The following ZBTB20 variants were observed in gnomAD, a reference collection of about 807,000 sequenced individuals.
ZBTB20 encodes zinc finger and BTB domain-containing protein 20.
ZBTB20 carries 9 observed loss-of-function variants against 56.9 expected under a neutral mutation model. The observed-to-expected ratio is 0.16, with a 90% CI of 0.10 to 0.28. The LOEUF is 0.28. Ranked by LOEUF, ZBTB20 falls within the 10% of genes least tolerant of loss-of-function variation. ZBTB20 has a pLI of 1.00. For synonymous variants in ZBTB20, 417 were observed against 420.7 expected (o/e 0.99, Z 0.11); for missense variants, 655 against 1,003.0 (o/e 0.65, Z 4.69).
rs1337725314 is a variant in ZBTB20, at chr3:114,979,613, C to T, written c.-506-5197G>A. Among the ~76,000 whole-genome samples, 6 of 151,882 alleles carry T rather than the reference C, an allele frequency of 4.0e-5. No individual in the cohort carries two copies. The East Asian group carries it at 7.7e-4, about 20-fold the overall frequency. Reference sequence around the variant, plus strand: ...TTAATAATTATAGCAAACAAGTCTTCATTAAATAAAAATTTAAACATAAGG... The same window carrying T: ...TTAATAATTATAGCAAACAAGTCTTTATTAAATAAAAATTTAAACATAAGG... On this transcript the variant is annotated intron_variant, in intron 2 of 11. Transcript: ENST00000675478.
At chr3:114,677,668 T>C (rs956485539) in intron 6 of ZBTB20, among the ~76,000 whole-genome samples, 1 of 152,166 alleles carries the variant, frequency 6.6e-6, no homozygotes, top group Non-Finnish European at 1.5e-5. Flanking sequence ...TTCTGTTAAC[T>C]ATTGAAAAGA....
chr3:114,758,927 T>A (rs2068225877), intron 5 of ZBTB20: 1 of 152,080 alleles, frequency 6.6e-6, no homozygotes, highest in African/African-American at 2.4e-5. Flanking sequence ...GTCTATGTAT[T>A]TTTTTTGAAA....
chr3:114,619,041 A>T (rs539329633), intron 6 of ZBTB20, among the ~76,000 whole-genome samples: 1 of 152,198 alleles, frequency 6.6e-6, no homozygotes, highest in Non-Finnish European at 1.5e-5. Context: ...TTTGTACATG[A>T]CTACCCAGGA....
intron 5 of ZBTB20, among the ~76,000 whole-genome samples, chr3:114,695,701 A>G (rs2062966806): frequency 6.6e-6 from 1 of 152,068 alleles, no homozygotes; most frequent in African/African-American, 2.4e-5. Flanking sequence ...ACATTTAAAA[A>G]GCTTTGTGCA....
At chr3:114,715,295 G>A (rs1011757723) in intron 5 of ZBTB20, among the ~76,000 whole-genome samples, 3 of 152,296 alleles carry the variant, frequency 2.0e-5, no homozygotes, top group Non-Finnish European at 4.4e-5. Flanking sequence ...ACCCGAGGTG[G>A]AATGAAGAAG....
intron 5 of ZBTB20, among the ~76,000 whole-genome samples, chr3:114,727,705 A>T (rs939081401): frequency 6.6e-6 from 1 of 152,234 alleles, no homozygotes; most frequent in Non-Finnish European, 1.5e-5. Flanking sequence ...TTCATGTAGA[A>T]ATCTTTGTGA....
At chr3:115,098,850 G>A (rs964711915) in intron 1 of ZBTB20, among the ~76,000 whole-genome samples, 4 of 152,108 alleles carry the variant, frequency 2.6e-5, no homozygotes, top group African/African-American at 9.7e-5. Flanking sequence ...GGGGAAAAAA[G>A]TCTGCCACTT....
chr3:114,700,828 T>A (rs75863785), intron 5 of ZBTB20, among the ~76,000 whole-genome samples: 1,930 of 152,276 alleles, frequency 0.013, 45 homozygotes, highest in African/African-American at 0.044. Context: ...TAATTAAGAT[T>A]GGGTCATTGT....
chr3:114,393,749 G>C (rs1419955795), intron 7 of ZBTB20, among the ~76,000 whole-genome samples: 1 of 152,136 alleles, frequency 6.6e-6, no homozygotes, highest in African/African-American at 2.4e-5. Flanking sequence ...ATTCTCCCTA[G>C]AACCTGAAAA....
intron 3 of ZBTB20, among the ~76,000 whole-genome samples, chr3:114,925,186 G>A (rs947118984): frequency 3.3e-5 from 5 of 151,750 alleles, no homozygotes; most frequent in Admixed American, 1.3e-4. Flanking sequence ...GTTTCACCAC[G>A]TTAGCCAGGA....
chr3:114,936,486 G>C (rs1392483445), intron 3 of ZBTB20, among the ~76,000 whole-genome samples: 1 of 151,970 alleles, frequency 6.6e-6, no homozygotes, highest in African/African-American at 2.4e-5. Flanking sequence ...TGGTAGATAA[G>C]TATTGAATGA....
chr3:114,611,640 G>C lies in ZBTB20; in HGVS notation c.-295+81888C>G, dbSNP rs150871663. 7.8e-4 allele frequency among the ~76,000 whole-genome samples: 119 copies of C among 152,228 alleles called. No homozygotes were observed. The East Asian group carries it at 0.018, about 23-fold the overall frequency. ...CCAATCCTAGGTTGGACTAGGATTG[G>C]GGTTGGTGGGGAAGGAGACATGGAA... On this transcript the variant is annotated intron_variant, in intron 6 of 11. Coordinates refer to ENST00000675478, the MANE Select transcript of ZBTB20 (RefSeq NM_001348800.3).
At position 114,844,127 on chromosome 3, in the gene ZBTB20, C is replaced by T. The variant is rs531075252; in HGVS notation, c.-416-42953G>A. On this transcript the variant is annotated intron_variant, in intron 4 of 11. Coordinates refer to ENST00000675478, the MANE Select transcript of ZBTB20 (RefSeq NM_001348800.3). ...GTCTATACAGTGGAATACTATGCAG[C>T]GAAAAAAATGGTGAATTATTGATAC... Among the ~76,000 whole-genome samples the T allele has an allele frequency of 3.0e-3, 444 of 150,374 alleles. 1 individual carries two copies. The highest frequency in any genetic ancestry group is 0.01 in the African/African-American group (413 of 40,784).
At chr3:115,048,408 CA>C (rs2081416791) in intron 2 of ZBTB20, among the ~76,000 whole-genome samples, 1 of 152,010 alleles carries the variant, frequency 6.6e-6, no homozygotes, top group South Asian at 2.1e-4. Flanking sequence ...ATTTTGAGAC[CA>C]TTTCAAGGTC....
intron 1 of ZBTB20, among the ~76,000 whole-genome samples, chr3:115,128,158 T>C (rs547187241): frequency 2.6e-5 from 4 of 152,344 alleles, no homozygotes; most frequent in African/African-American, 7.2e-5. Context: ...ATTAGTATTA[T>C]TGAGAAACAG....
chr3:115,041,992 C>G (rs2081163258), intron 2 of ZBTB20, among the ~76,000 whole-genome samples: 1 of 151,864 alleles, frequency 6.6e-6, no homozygotes, highest in African/African-American at 2.4e-5. Flanking sequence ...TTATTTCTGC[C>G]TTCCTCTCTT....
At chr3:114,649,198 C>T (rs1048179087) in intron 6 of ZBTB20, among the ~76,000 whole-genome samples, 1 of 151,874 alleles carries the variant, frequency 6.6e-6, no homozygotes, top group Non-Finnish European at 1.5e-5. Flanking sequence ...GGGTGTCCAC[C>T]ACAATGTTTT....
At chr3:115,025,307 C>T (rs1333034969) in intron 2 of ZBTB20, among the ~76,000 whole-genome samples, 1 of 151,344 alleles carries the variant, frequency 6.6e-6, no homozygotes, top group African/African-American at 2.4e-5. Flanking sequence ...CCTAGTATTC[C>T]ATGGTGTATA....
chr3:114,600,296 T>C (rs1408051299), intron 6 of ZBTB20, among the ~76,000 whole-genome samples: 1 of 152,034 alleles, frequency 6.6e-6, no homozygotes, highest in Non-Finnish European at 1.5e-5. Context: ...AGGTGGAGGC[T>C]GGGTCTACAG....
Sources: gnomAD v4.1 joint callset for allele counts (sites outside exome capture counted in the v4.1 genomes callset) on GRCh38, gnomAD v4.1.1 for gene constraint, MANE v1.5 for transcripts, NCBI Gene and HGNC (gene_info 2026-07-23, HGNC 2026-07-21) for gene names.